RGS5: variants seen among roughly 807,000 people sequenced by gnomAD.
RGS5 encodes regulator of G protein signaling 5, also known as regulator of G-protein signalling 5.
In RGS5, 20 loss-of-function variants were observed where a neutral mutation model predicts 18.9. The ratio of observed to expected loss-of-function variants is 1.06; its 90% CI spans 0.74 to 1.54. RGS5 has a LOEUF of 1.54. RGS5 is among the 40% of genes most tolerant of loss of function. The pLI is 0.00. For missense variants in RGS5, 201 were observed against 211.8 expected (o/e 0.95, Z 0.32); for synonymous variants, 57 against 76.2 (o/e 0.75, Z 1.31).
At chr1:163,223,456 C>T (rs748840917) in intron 2 of RGS5, among the ~76,000 whole-genome samples, 1 of 152,158 alleles carries the variant, frequency 6.6e-6, no homozygotes, top group Non-Finnish European at 1.5e-5. Context: ...GAAGTAATTG[C>T]TGTCTGGACC....
intron 1 of RGS5, among the ~76,000 whole-genome samples, chr1:163,210,218 C>T (rs1241255031): frequency 3.3e-5 from 5 of 152,044 alleles, no homozygotes; most frequent in East Asian, 1.9e-4. Flanking sequence ...ATGCTGGTCT[C>T]GAGCTCCTGG....
intron 1 of RGS5, among the ~76,000 whole-genome samples, chr1:163,198,722 C>T (rs59750294): frequency 0.04 from 6,150 of 152,230 alleles, 353 homozygotes; most frequent in African/African-American, 0.13. Flanking sequence ...GCCTCAGACT[C>T]CTGGGCTCAA....
At chr1:163,190,814 G>A (rs1030159334) in intron 1 of RGS5, among the ~76,000 whole-genome samples, 2 of 152,168 alleles carry the variant, frequency 1.3e-5, no homozygotes, top group Non-Finnish European at 2.9e-5. Flanking sequence ...CTGACTCATG[G>A]GCAGTGGCCA....
chr1:163,191,797 G>A (rs573009331), intron 1 of RGS5, among the ~76,000 whole-genome samples: 2 of 152,140 alleles, frequency 1.3e-5, no homozygotes, highest in African/African-American at 4.8e-5. Context: ...CTGGATAAGG[G>A]TTGGTCACTA....
intron 1 of RGS5, among the ~76,000 whole-genome samples, chr1:163,170,591 C>A (rs889127038): frequency 5.3e-5 from 8 of 152,142 alleles, no homozygotes; most frequent in Admixed American, 1.3e-4. Context: ...GTAAGGAAAC[C>A]TGTGGTAACT....
intron 1 of RGS5, among the ~76,000 whole-genome samples, chr1:163,315,834 G>A (rs984770699): frequency 1.3e-5 from 2 of 152,108 alleles, no homozygotes; most frequent in South Asian, 4.2e-4. Flanking sequence ...CTCTAAACAT[G>A]TATTCTAATG....
intron 2 of RGS5, chr1:163,260,023 C>T (rs1648387962): frequency 6.6e-6 from 1 of 152,158 alleles, no homozygotes; most frequent in Non-Finnish European, 1.5e-5. Flanking sequence ...CAAAATATCC[C>T]CATGCTCCCC....
chr1:163,203,113 C>G (rs555768362), upstream of RGS5: 1 of 368,830 alleles, frequency 2.7e-6, no homozygotes, highest in Non-Finnish European at 5.0e-6. Flanking sequence ...TCACAACACT[C>G]TCTTGCTAAC....
chr1:163,270,745 G>A (rs1377480004), intron 2 of RGS5, among the ~76,000 whole-genome samples: 3 of 151,932 alleles, frequency 2.0e-5, no homozygotes, highest in Non-Finnish European at 4.4e-5. Flanking sequence ...CTCCTCCAAC[G>A]ATAACAGAAA....
At chr1:163,193,817 C>T (rs1450869391) in intron 1 of RGS5, among the ~76,000 whole-genome samples, 1 of 152,128 alleles carries the variant, frequency 6.6e-6, no homozygotes, top group Admixed American at 6.6e-5. Flanking sequence ...CTCATCCCAT[C>T]CTCAAGGATG....
At chr1:163,219,938 T>C (rs1239783845), upstream of RGS5, among the ~76,000 whole-genome samples, 1 of 152,136 alleles carries the variant, frequency 6.6e-6, no homozygotes, top group Admixed American at 6.6e-5. Context: ...ATACCTAGGA[T>C]TGGTATTGCT....
intron 1 of RGS5, among the ~76,000 whole-genome samples, chr1:163,178,172 G>T (rs1201420163): frequency 6.6e-6 from 1 of 152,078 alleles, no homozygotes; most frequent in Non-Finnish European, 1.5e-5. Flanking sequence ...TTAGCCAGGC[G>T]TGGTGGTACG....
chr1:163,178,904 T>C (rs1158982307), intron 1 of RGS5, among the ~76,000 whole-genome samples: 3 of 152,224 alleles, frequency 2.0e-5, no homozygotes, highest in Non-Finnish European at 2.9e-5. Flanking sequence ...CACCTGGATC[T>C]GTCCAAGCAA....
chr1:163,299,107 G>A (rs1043177697), intron 2 of RGS5, among the ~76,000 whole-genome samples: 13 of 152,184 alleles, frequency 8.5e-5, no homozygotes, highest in African/African-American at 3.1e-4. Flanking sequence ...ATGAGAAAAG[G>A]AGCTGAATAG....
At chr1:163,285,682 T>C (rs1458080812) in intron 2 of RGS5, among the ~76,000 whole-genome samples, 1 of 151,726 alleles carries the variant, frequency 6.6e-6, no homozygotes, top group Non-Finnish European at 1.5e-5. Flanking sequence ...TGGTGGGAGG[T>C]GATTGAATCA....
At chr1:163,182,010 G>A (rs1324799076) in intron 1 of RGS5, among the ~76,000 whole-genome samples, 2 of 152,026 alleles carry the variant, frequency 1.3e-5, no homozygotes, top group African/African-American at 4.8e-5. Flanking sequence ...TGCATTAATA[G>A]GTTTAGCATG....
At chr1:163,151,743 T>C (rs1657381617) in intron 4 of RGS5, among the ~76,000 whole-genome samples, 1 of 152,232 alleles carries the variant, frequency 6.6e-6, no homozygotes, top group Non-Finnish European at 1.5e-5. Context: ...GTGAGTCAAT[T>C]AAACCTCTTT....
At chr1:163,320,547 T>A (rs1650165818) in intron 1 of RGS5, among the ~76,000 whole-genome samples, 1 of 152,196 alleles carries the variant, frequency 6.6e-6, no homozygotes, top group African/African-American at 2.4e-5. Context: ...CTTCCCTGCC[T>A]CTAAGGACAT....
intron 1 of RGS5, among the ~76,000 whole-genome samples, chr1:163,176,373 T>A (rs1027737857): frequency 2.0e-5 from 3 of 152,100 alleles, no homozygotes; most frequent in Admixed American, 1.3e-4. Context: ...TGTAATCCCA[T>A]CACTTTGGGA....
Sources: gnomAD v4.1 joint callset for allele counts (sites outside exome capture counted in the v4.1 genomes callset) on GRCh38, gnomAD v4.1.1 for gene constraint, MANE v1.5 for transcripts, NCBI Gene and HGNC (gene_info 2026-07-23, HGNC 2026-07-21) for gene names.